CELF4: variants seen among roughly 807,000 people sequenced by gnomAD.
CELF4 encodes the protein CUGBP Elav-like family member 4, also known as CUG-BP- and ETR-3-like factor 4.
A neutral mutation model predicts 59.9 loss-of-function variants in CELF4; 18 were observed. The ratio of observed to expected loss-of-function variants is 0.30; its 90% CI spans 0.21 to 0.45. The LOEUF (loss-of-function observed/expected upper bound fraction) is 0.45. Among genes scored for constraint, CELF4 ranks in the 20% least tolerant of loss-of-function variants. CELF4 has a pLI of 1.00. For missense variants in CELF4, 456 were observed against 689.0 expected (o/e 0.66, Z 3.79); for synonymous variants, 261 against 267.1 (o/e 0.98, Z 0.22).
chr18:37,454,064 T>C (rs944874727), intron 2 of CELF4, among the ~76,000 whole-genome samples: 3 of 152,110 alleles, frequency 2.0e-5, no homozygotes, highest in Non-Finnish European at 4.4e-5. Context: ...TCTGTCTTTC[T>C]AGCAAAAAAC....
chr18:37,392,955 G>A (rs1254893019), intron 2 of CELF4, among the ~76,000 whole-genome samples: 2 of 152,184 alleles, frequency 1.3e-5, no homozygotes, highest in East Asian at 3.9e-4. Context: ...CCATTCCAAG[G>A]GGGCAGATTT....
chr18:37,277,504 T>A (rs2093509905), intron 3 of CELF4, among the ~76,000 whole-genome samples: 1 of 151,564 alleles, frequency 6.6e-6, no homozygotes, highest in African/African-American at 2.4e-5. Flanking sequence ...TGAAGTGGGA[T>A]GGGAGGAGAT....
Position 37,555,219 on chromosome 18 carries a change from C to T in CELF4, c.286+10137G>A, listed in dbSNP as rs537110810. Among the ~76,000 whole-genome samples the T allele has an allele frequency of 3.3e-5, 5 of 152,310 alleles. No individual in the cohort carries two copies. The South Asian group carries it at 1.0e-3, about 32-fold the overall frequency. On this transcript the variant is annotated intron_variant, in intron 1 of 12. Coordinates refer to ENST00000420428, the MANE Select transcript of CELF4 (RefSeq NM_020180.4). ...GCGGGGGCAAGCATGCTTTCCGTGC[C>T]TCATCCGGTGAGACCAAGCCAAGCC... is the stretch of plus-strand genomic sequence containing the variant.
chr18:37,312,858 C>T (rs749385237), intron 3 of CELF4, among the ~76,000 whole-genome samples: 1 of 152,166 alleles, frequency 6.6e-6, no homozygotes, highest in African/African-American at 2.4e-5. Context: ...GGACCCTTGG[C>T]CAAGGACATG....
At chr18:37,452,674 C>T (rs760956008) in intron 2 of CELF4, among the ~76,000 whole-genome samples, 12 of 152,122 alleles carry the variant, frequency 7.9e-5, no homozygotes, top group Non-Finnish European at 1.8e-4. Flanking sequence ...GAATCATCCT[C>T]TTTCTCTTAC....
chr18:37,493,427 C>T (rs979431849), intron 1 of CELF4, among the ~76,000 whole-genome samples: 1 of 152,240 alleles, frequency 6.6e-6, no homozygotes, highest in Non-Finnish European at 1.5e-5. Context: ...AGGAGTAGCT[C>T]ACCCCAGGGC....
At chr18:37,558,518 G>C (rs2099985548) in intron 1 of CELF4, among the ~76,000 whole-genome samples, 1 of 135,628 alleles carries the variant, frequency 7.4e-6, no homozygotes, top group African/African-American at 2.7e-5. Flanking sequence ...GACAGAAAAG[G>C]AGAGGAAGGA....
intron 1 of CELF4, among the ~76,000 whole-genome samples, chr18:37,539,031 A>G (rs2099975743): frequency 6.6e-6 from 1 of 152,124 alleles, no homozygotes; most frequent in South Asian, 2.1e-4. Context: ...AAGCAGTGGC[A>G]GGCTTGAGAA....
rs2099987994 is a variant in CELF4 at position 37,565,691 on chromosome 18, C to T, written c.-50G>A. On this transcript the variant is annotated 5_prime_UTR_variant, in exon 1 of 13. Coordinates refer to ENST00000420428, the MANE Select transcript of CELF4 (RefSeq NM_020180.4). ...TCTTTCTCGCTCACACTCTCTCGCTCCTCTCTCTCGCTCGCTCGCGCTCAC... is the reference window on the plus strand; with the variant it reads ...TCTTTCTCGCTCACACTCTCTCGCTTCTCTCTCTCGCTCGCTCGCGCTCAC... The T allele has an allele frequency of 7.7e-7, 1 of 1,294,610 alleles. No individual in the cohort carries two copies. The highest frequency in any genetic ancestry group is 1.0e-6 in the Non-Finnish European group (1 of 969,328). The allele number at this position is 1,294,610 out of a possible 1,614,324, so 80.2% of individuals were successfully genotyped here. A position where few individuals can be genotyped will look rare whatever the true frequency, so the allele number is the denominator to read the frequency against.
At chr18:37,413,005 C>T (rs2099487814) in intron 2 of CELF4, among the ~76,000 whole-genome samples, 5 of 152,136 alleles carry the variant, frequency 3.3e-5, no homozygotes, top group Admixed American at 3.3e-4. Flanking sequence ...AGGGGCTCCC[C>T]TCCCCGCCCA....
rs368394640 is a variant in CELF4, at chr18:37,253,976, G to T, written c.1334-38C>A. 16 of 1,555,840 alleles carry T rather than the reference G, an allele frequency of 1.0e-5. No individual in the cohort carries two copies. Among genetic ancestry groups the T allele is most frequent in the Non-Finnish European group, 1.4e-5 (16 of 1,150,696 alleles). The stretch of plus-strand genomic sequence containing the variant: ...GAGGGACGAGGGCCTGGGTTTCCAC[G>T]GGGCCGCCCGGGGCGCTGCCGGCGG... On this transcript the variant is annotated intron_variant, in intron 11 of 12. Transcript: ENST00000420428. The surrounding 1 kb of genome is among the most constrained non-coding windows in gnomAD (Gnocchi z 4.5).
intron 1 of CELF4, among the ~76,000 whole-genome samples, chr18:37,564,964 C>T (rs1448053956): frequency 6.6e-6 from 1 of 152,162 alleles, no homozygotes; most frequent in Non-Finnish European, 1.5e-5. Flanking sequence ...ACAGCACCCT[C>T]GGTCCTCGGC....
chr18:37,249,008 A>T (rs1486685540), intron 12 of CELF4, among the ~76,000 whole-genome samples: 1 of 152,126 alleles, frequency 6.6e-6, no homozygotes, highest in Admixed American at 6.5e-5. Context: ...ACTGTGGATG[A>T]GGGGCAAAGA....
rs560872628 is a variant in CELF4 at position 37,491,684 on chromosome 18, G to A, written c.287-6077C>T. Among the ~76,000 whole-genome samples the A allele has an allele frequency of 1.4e-3, 211 of 152,274 alleles. 2 individuals are homozygous for A. Among genetic ancestry groups the A allele is most frequent in the African/African-American group, 4.7e-3 (197 of 41,554 alleles). ...TGTGTGGCAGGAGAGGTGAGCACTG[G>A]GCCAGGGAGAGGCAGGCAGCGTGGG... On this transcript the variant is annotated intron_variant, in intron 1 of 12. Coordinates refer to ENST00000420428, the MANE Select transcript of CELF4 (RefSeq NM_020180.4).
intron 2 of CELF4, among the ~76,000 whole-genome samples, chr18:37,481,769 T>C (rs2099867947): frequency 6.6e-6 from 1 of 152,188 alleles, no homozygotes; most frequent in South Asian, 2.1e-4. Flanking sequence ...CTGCACTCCA[T>C]GGTCATCCTG....
intron 1 of CELF4, among the ~76,000 whole-genome samples, chr18:37,531,955 A>G (rs16969037): frequency 0.01 from 1,553 of 152,294 alleles, 27 homozygotes; most frequent in African/African-American, 0.035. Flanking sequence ...TAATGCTGAG[A>G]AATCTTCTCA....
chr18:37,490,510 T>C (rs1197748527), intron 1 of CELF4, among the ~76,000 whole-genome samples: 2 of 152,198 alleles, frequency 1.3e-5, no homozygotes, highest in Non-Finnish European at 2.9e-5. Flanking sequence ...ATCTGCCGCC[T>C]GGCAAATATA....
chr18:37,409,982 T>A (rs1311612406), intron 2 of CELF4, among the ~76,000 whole-genome samples: 1 of 152,122 alleles, frequency 6.6e-6, no homozygotes, highest in East Asian at 1.9e-4. Context: ...CTCAGGAATT[T>A]TGGTTGGCTG....
At chr18:37,272,343 A>T (rs1400296002) in intron 7 of CELF4, among the ~76,000 whole-genome samples, 1 of 152,166 alleles carries the variant, frequency 6.6e-6, no homozygotes, top group East Asian at 1.9e-4. Context: ...CAGTTGTGAC[A>T]ATCAAAAATG....
Sources: allele counts gnomAD v4.1 joint callset (sites outside exome capture counted in the v4.1 genomes callset), GRCh38; gene constraint gnomAD v4.1.1; non-coding constraint Gnocchi (gnomAD v3.1); transcripts MANE v1.5; gene names NCBI Gene and HGNC (gene_info 2026-07-23, HGNC 2026-07-21).